The following OLA1 variants were observed in gnomAD, a reference collection of about 807,000 sequenced individuals.
The protein encoded by OLA1 is Obg like ATPase 1, also known as obg-like ATPase 1.
OLA1 carries 14 observed loss-of-function variants against 48.4 expected under a neutral mutation model. That is an observed-to-expected ratio of 0.29 (90% CI 0.19 to 0.45). OLA1 has a LOEUF of 0.45. OLA1 is among the 20% of genes least tolerant of loss of function. OLA1 has a pLI of 1.00. For missense variants in OLA1, 325 were observed against 467.1 expected (o/e 0.70, Z 2.80); for synonymous variants, 127 against 150.4 (o/e 0.84, Z 1.14).
chr2:174,110,315 T>TG, intron 7 of OLA1, among the ~76,000 whole-genome samples: 1 of 149,398 alleles, frequency 6.7e-6, no homozygotes, highest in Non-Finnish European at 1.5e-5. Context: ...TTTTTTTTTT[T>TG]TTTTTTTTGT....
rs1448962372 is a variant in OLA1 at position 174,246,587 on chromosome 2, A to G, written c.101+128T>C. 24 of 665,274 alleles carry G rather than the reference A, an allele frequency of 3.6e-5. No individual in the cohort carries two copies. The East Asian group carries it at 6.2e-4, about 17-fold the overall frequency. 41.2% of individuals were successfully genotyped at this position (665,274 alleles called of 1,614,324 possible). A position where few individuals can be genotyped will look rare whatever the true frequency, so the allele number is the denominator to read the frequency against. On this transcript the variant is annotated intron_variant, in intron 2 of 10. Transcript: ENST00000284719. ...CTAAACTAAAGCCTAATTTTGCAAT[A>G]TTAATAGTCCAGCTTCCTGGCCTCT... is the stretch of plus-strand genomic sequence containing the variant.
At chr2:174,221,078 T>C (rs1688489940) in intron 4 of OLA1, among the ~76,000 whole-genome samples, 1 of 152,218 alleles carries the variant, frequency 6.6e-6, no homozygotes, top group Non-Finnish European at 1.5e-5. Context: ...TTATGTACTA[T>C]ACAATGATAT....
In OLA1 at chr2:174,221,479, C is replaced by T. The variant is rs895938353; in HGVS notation, c.373+1554G>A. 1.4e-4 allele frequency among the ~76,000 whole-genome samples: 21 copies of T among 152,114 alleles called. 1 individual carries two copies. The highest frequency in any genetic ancestry group is 5.1e-4 in the African/African-American group (21 of 41,424). On this transcript the variant is annotated intron_variant, in intron 4 of 10. Coordinates refer to ENST00000284719, the MANE Select transcript of OLA1 (RefSeq NM_013341.5). Reference sequence around the variant, plus strand: ...TGAAACCTTATCAGGGAATCAGATCCATAAGCCTTCCATTTTTCAGTGCTC... The same window carrying T: ...TGAAACCTTATCAGGGAATCAGATCTATAAGCCTTCCATTTTTCAGTGCTC...
At chr2:174,199,063 CT>C (rs1687936812) in intron 4 of OLA1, among the ~76,000 whole-genome samples, 1 of 149,658 alleles carries the variant, frequency 6.7e-6, no homozygotes, top group East Asian at 2.6e-4. Flanking sequence ...GGGTATACAT[CT>C]CTAACGTGCT....
rs530251923 is a variant in OLA1, at chr2:174,182,322, C to T, written c.374-40322G>A. ...GGCGGAACACCTGAGGTCGGGAGTT[C>T]GAGATCAGCCTGACCAACATGAAGA... On this transcript the variant is annotated intron_variant, in intron 4 of 10. Coordinates refer to ENST00000284719, the MANE Select transcript of OLA1 (RefSeq NM_013341.5). 4.6e-5 allele frequency among the ~76,000 whole-genome samples: 7 copies of T among 152,192 alleles called. No individual in the cohort carries two copies. The South Asian group carries it at 8.3e-4, about 18-fold the overall frequency.
At chr2:174,081,297 A>AGAAATTG in intron 8 of OLA1, 49 bp from the exon 9 acceptor site, 1 of 1,380,752 alleles carries the variant, frequency 7.2e-7, no homozygotes, top group East Asian at 2.3e-5. Flanking sequence ...TGATTGTGCC[A>AGAAATTG]GAAATTGGTA....
At position 174,183,120 on chromosome 2, in the gene OLA1, G is replaced by T. The variant is rs374318254; in HGVS notation, c.373+39913C>A. ...GGACACTACTTCAGCAAAAAAAATG[G>T]TCAATCTTGGCTAATGTAACTACTG... On this transcript the variant is annotated intron_variant, in intron 4 of 10. Transcript: ENST00000284719. Among the ~76,000 whole-genome samples, 11 of 152,140 alleles carry T rather than the reference G, an allele frequency of 7.2e-5. 1 individual carries two copies. The highest frequency in any genetic ancestry group is 2.7e-4 in the African/African-American group (11 of 41,480).
At chr2:174,241,294 TC>T (rs1314772603) in intron 2 of OLA1, among the ~76,000 whole-genome samples, 7 of 152,160 alleles carry the variant, frequency 4.6e-5, no homozygotes, top group African/African-American at 1.7e-4. Flanking sequence ...CTCACTACAT[TC>T]CCGACGAACA....
intron 5 of OLA1, 28 bp downstream of exon 5, chr2:174,141,797 T>C (rs748362242): frequency 7.2e-6 from 11 of 1,531,500 alleles, no homozygotes; most frequent in East Asian, 6.8e-5. Flanking sequence ...CTCTTGAGTA[T>C]CTAAAGAAGC....
At chr2:174,111,440 T>C (rs1685646184) in intron 7 of OLA1, among the ~76,000 whole-genome samples, 1 of 152,210 alleles carries the variant, frequency 6.6e-6, no homozygotes. Context: ...TAGGTTCTCA[T>C]TAGTAAATGG....
In OLA1 at chr2:174,205,429, G is replaced by A. The variant is rs115270351; in HGVS notation, c.373+17604C>T. Among the ~76,000 whole-genome samples the A allele has an allele frequency of 8.8e-3, 1,334 of 152,268 alleles. 23 individuals carry two copies. Among genetic ancestry groups the A allele is most frequent in the African/African-American group, 0.03 (1,227 of 41,546 alleles). On this transcript the variant is annotated intron_variant, in intron 4 of 10. Coordinates refer to ENST00000284719, the MANE Select transcript of OLA1 (RefSeq NM_013341.5). ...AACACTATTCCCAGAAATCTATAAA[G>A]TAATCCCTAGTTTTTGATTCTACTC... is the stretch of plus-strand genomic sequence containing the variant.
chr2:174,125,787 T>A (rs1037917206), intron 5 of OLA1, among the ~76,000 whole-genome samples: 6 of 152,178 alleles, frequency 3.9e-5, no homozygotes, highest in Non-Finnish European at 5.9e-5. Context: ...ACTCAAAAAA[T>A]TTTTTGCAGT....
chr2:174,085,239 G>A (rs951725651), intron 7 of OLA1, among the ~76,000 whole-genome samples: 1 of 152,214 alleles, frequency 6.6e-6, no homozygotes, highest in Admixed American at 6.5e-5. Flanking sequence ...TACAATAGGA[G>A]TCCTCAACCC....
intron 7 of OLA1, among the ~76,000 whole-genome samples, chr2:174,091,036 T>C (rs936551932): frequency 9.9e-5 from 15 of 152,182 alleles, no homozygotes; most frequent in African/African-American, 3.6e-4. Flanking sequence ...GGTCGGAGAC[T>C]GTGGCTTTAC....
At chr2:174,149,941 C>T (rs1251332296) in intron 4 of OLA1, among the ~76,000 whole-genome samples, 5 of 152,138 alleles carry the variant, frequency 3.3e-5, no homozygotes, top group Non-Finnish European at 7.3e-5. Context: ...ACTACATAAA[C>T]TTGGGTTGCA....
chr2:174,133,850 G>T (rs1225055911), intron 5 of OLA1, among the ~76,000 whole-genome samples: 1 of 152,102 alleles, frequency 6.6e-6, no homozygotes, highest in Non-Finnish European at 1.5e-5. Flanking sequence ...CACTCACAAT[G>T]TTATACAAAC....
rs1176343767 is a variant in OLA1 at position 174,226,213 on chromosome 2, A to AG, written c.246-3054_246-3053insC. ...GACTCCGTCTCAAAAAAAAAAAAAAAAAAAGAAAATGAGCTTCTCAATTCT... is the reference window on the plus strand; with the variant it reads ...GACTCCGTCTCAAAAAAAAAAAAAAAGAAAAGAAAATGAGCTTCTCAATTCT... On this transcript the variant is annotated intron_variant, in intron 3 of 10. Coordinates refer to ENST00000284719, the MANE Select transcript of OLA1 (RefSeq NM_013341.5). 2.3e-3 allele frequency among the ~76,000 whole-genome samples: 94 copies of AG among 40,038 alleles called. 22 individuals are homozygous for AG. Among genetic ancestry groups the AG allele is most frequent in the African/African-American group, 6.9e-3 (90 of 13,040 alleles). The allele number at this position is 40,038 out of a possible 152,430, so 26.3% of individuals were successfully genotyped here. A position where few individuals can be genotyped will look rare whatever the true frequency, so the allele number is the denominator to read the frequency against.
intron 5 of OLA1, among the ~76,000 whole-genome samples, chr2:174,124,982 T>C (rs1385233113): frequency 6.6e-6 from 1 of 152,200 alleles, no homozygotes; most frequent in Non-Finnish European, 1.5e-5. Context: ...ATCTAACATG[T>C]TCGGCTTAAG....
At chr2:174,209,428 AT>A (rs1004139903) in intron 4 of OLA1, among the ~76,000 whole-genome samples, 3 of 151,834 alleles carry the variant, frequency 2.0e-5, no homozygotes, top group African/African-American at 7.3e-5. Flanking sequence ...ATAATTTCCA[AT>A]TTTTTTTCTA....
Sources: gnomAD v4.1 joint callset for allele counts (sites outside exome capture counted in the v4.1 genomes callset) on GRCh38, gnomAD v4.1.1 for gene constraint, MANE v1.5 for transcripts, NCBI Gene and HGNC (gene_info 2026-07-23, HGNC 2026-07-21) for gene names.